Variants in PRKG1 observed in about 807,000 individuals in gnomAD.
The protein encoded by PRKG1 is protein kinase cGMP-dependent 1.
A neutral mutation model predicts 88.1 loss-of-function variants in PRKG1; 35 were observed. The observed-to-expected ratio is 0.40, with a 90% confidence interval of 0.30 to 0.53. PRKG1 has a LOEUF of 0.53. PRKG1 is among the 20% of genes least tolerant of loss of function. The pLI, the probability that PRKG1 is intolerant of heterozygous loss-of-function variation, is 0.59. For synonymous variants in PRKG1, 303 were observed against 292.5 expected, an observed-to-expected ratio of 1.04 and a Z score of -0.37; for missense variants, 540 against 839.8, an observed-to-expected ratio of 0.64 and a Z score of 4.41.
intron 2 of PRKG1, among the ~76,000 whole-genome samples, chr10:51,293,775 C>T (rs762418793): frequency 2.0e-4 from 31 of 152,012 alleles, no homozygotes; most frequent in Admixed American, 5.9e-4. Flanking sequence ...CTGTTTTTAC[C>T]TTTCTGAGGA....
At chr10:51,905,899 G>A (rs1842075974) in intron 4 of PRKG1, among the ~76,000 whole-genome samples, 1 of 152,132 alleles carries the variant, frequency 6.6e-6, no homozygotes, top group African/African-American at 2.4e-5. Context: ...AATACAGGGG[G>A]TTGAAAAAGA....
At chr10:51,090,803 G>A (rs1312943682) in intron 1 of PRKG1, among the ~76,000 whole-genome samples, 1 of 152,084 alleles carries the variant, frequency 6.6e-6, no homozygotes, top group African/African-American at 2.4e-5. Flanking sequence ...TTAATGATTT[G>A]ATTTAAATCC....
At chr10:51,423,440 A>T (rs1838477140) in intron 2 of PRKG1, among the ~76,000 whole-genome samples, 1 of 152,144 alleles carries the variant, frequency 6.6e-6, no homozygotes, top group Admixed American at 6.6e-5. Flanking sequence ...AAAAATAGGC[A>T]TCTATCCTGT....
At chr10:52,124,639 A>G (rs562474029) in intron 7 of PRKG1, among the ~76,000 whole-genome samples, 39 of 150,970 alleles carry the variant, frequency 2.6e-4, no homozygotes, top group African/African-American at 9.4e-4. Context: ...TTCTTTCTTC[A>G]ATAATAAATT....
chr10:51,426,326 G>A (rs1838582959), intron 2 of PRKG1, among the ~76,000 whole-genome samples: 1 of 151,954 alleles, frequency 6.6e-6, no homozygotes, highest in South Asian at 2.1e-4. Context: ...AAGACTTAGA[G>A]GAGTCAGACC....
chr10:51,298,866 T>G (rs1840794391), intron 2 of PRKG1, among the ~76,000 whole-genome samples: 1 of 152,188 alleles, frequency 6.6e-6, no homozygotes, highest in Non-Finnish European at 1.5e-5. Context: ...ATAGTAGGCA[T>G]GCAACAAAAG....
At chr10:51,410,270 A>ATATATGTG (rs1554805784) in intron 2 of PRKG1, among the ~76,000 whole-genome samples, 2 of 146,798 alleles carry the variant, frequency 1.4e-5, no homozygotes, top group African/African-American at 5.1e-5. Context: ...ATATATATAT[A>ATATATGTG]TGTGTGTGTG....
intron 1 of PRKG1, among the ~76,000 whole-genome samples, chr10:51,117,382 ACTTGTCAAG>A (rs1413881148): frequency 3.3e-5 from 5 of 152,206 alleles, no homozygotes; most frequent in Non-Finnish European, 7.3e-5. Flanking sequence ...ATGTGGTAGC[ACTTGTCAAG>A]CTGTATTTTT....
intron 2 of PRKG1, among the ~76,000 whole-genome samples, chr10:51,415,661 C>T (rs1838215560): frequency 1.3e-5 from 2 of 151,802 alleles, no homozygotes; most frequent in Admixed American, 6.6e-5. Context: ...AAAGAAAGCC[C>T]GAGGAAGTTA....
At chr10:51,840,546 T>TTTAC (rs1840246960) in intron 4 of PRKG1, among the ~76,000 whole-genome samples, 1 of 150,514 alleles carries the variant, frequency 6.6e-6, no homozygotes, top group African/African-American at 2.4e-5. Flanking sequence ...TATTTATTTA[T>TTTAC]TTATTTATTT....
At chr10:51,874,965 G>T (rs1202584099) in intron 4 of PRKG1, among the ~76,000 whole-genome samples, 1 of 152,116 alleles carries the variant, frequency 6.6e-6, no homozygotes, top group Non-Finnish European at 1.5e-5. Context: ...AGAGGGCAGG[G>T]CCAGAATCTC....
intron 2 of PRKG1, among the ~76,000 whole-genome samples, chr10:51,369,619 A>C (rs1842660203): frequency 6.6e-6 from 1 of 152,146 alleles, no homozygotes; most frequent in African/African-American, 2.4e-5. Flanking sequence ...TCTTGGTTGC[A>C]CAGCAAGAAC....
At chr10:51,186,964 ATATATATATATATATATATG>A (rs1409715015) in intron 2 of PRKG1, among the ~76,000 whole-genome samples, 2 of 145,028 alleles carry the variant, frequency 1.4e-5, no homozygotes, top group Non-Finnish European at 3.0e-5. Context: ...TTATATATAT[ATATATATATATATATATATG>A]TATATATATA....
chr10:51,123,547 G>T (rs527537378), intron 1 of PRKG1, among the ~76,000 whole-genome samples: 2 of 151,966 alleles, frequency 1.3e-5, no homozygotes, highest in Non-Finnish European at 2.9e-5. Context: ...TTAGCCAGGC[G>T]TGATGGTGGG....
intron 4 of PRKG1, among the ~76,000 whole-genome samples, chr10:51,888,137 G>A (rs1398333236): frequency 6.6e-6 from 1 of 152,088 alleles, no homozygotes; most frequent in African/African-American, 2.4e-5. Context: ...TATGGGTATA[G>A]GCTTATGGCC....
rs116649776 is a variant in PRKG1 at position 51,150,490 on chromosome 10, C to G, written c.312-2674C>G. 5.8e-3 allele frequency among the ~76,000 whole-genome samples: 886 copies of G among 152,230 alleles called. 13 individuals are homozygous for G. The highest frequency in any genetic ancestry group is 0.019 in the African/African-American group (808 of 41,558). Reference sequence around the variant, plus strand: ...CAGGGCTTTGAGTATTATTCTCTGACAAGACCATCTTTGGGGTTGTACTAC... The same window carrying G: ...CAGGGCTTTGAGTATTATTCTCTGAGAAGACCATCTTTGGGGTTGTACTAC... On this transcript the variant is annotated intron_variant, in intron 1 of 17. Transcript: ENST00000373980.
chr10:51,331,229 A>G (rs1441493180), intron 2 of PRKG1, among the ~76,000 whole-genome samples: 2 of 152,170 alleles, frequency 1.3e-5, no homozygotes, highest in East Asian at 1.9e-4. Context: ...GAATTAGGGC[A>G]TACTAGAAGC....
chr10:52,048,029 G>A (rs986608449), intron 5 of PRKG1, among the ~76,000 whole-genome samples: 15 of 152,032 alleles, frequency 9.9e-5, no homozygotes, highest in African/African-American at 3.4e-4. Context: ...TAAATAAAGC[G>A]GGCATACAAA....
At chr10:51,756,213 T>G (rs1414674480) in intron 3 of PRKG1, among the ~76,000 whole-genome samples, 4 of 152,180 alleles carry the variant, frequency 2.6e-5, no homozygotes, top group Non-Finnish European at 5.9e-5. Context: ...CTGGGAGCAG[T>G]GGCTCAGACC....
Sources: gnomAD v4.1 joint callset for allele counts (sites outside exome capture counted in the v4.1 genomes callset) on GRCh38, gnomAD v4.1.1 for gene constraint, MANE v1.5 for transcripts, NCBI Gene and HGNC (gene_info 2026-07-23, HGNC 2026-07-21) for gene names.